Variants in ZC3H14 observed in about 807,000 individuals in gnomAD.
ZC3H14 encodes the protein zinc finger CCCH-type containing 14.
ZC3H14 carries 31 observed loss-of-function variants against 92.4 expected under a neutral mutation model. That is an observed-to-expected ratio of 0.34 (90% CI 0.25 to 0.45). The LOEUF is 0.45. ZC3H14 is among the 20% of genes least tolerant of loss of function. The probability of loss-of-function intolerance (pLI) is 1.00; values close to 1 mark genes in which losing one functional copy is unlikely to be tolerated. For missense variants in ZC3H14, 781 were observed against 897.3 expected (o/e 0.87, Z 1.66); for synonymous variants, 321 against 300.9 (o/e 1.07, Z -0.69).
intron 3 of ZC3H14, among the ~76,000 whole-genome samples, chr14:88,569,713 G>A (rs542612343): frequency 2.0e-4 from 31 of 152,316 alleles, no homozygotes; most frequent in African/African-American, 7.5e-4. Flanking sequence ...AGATGAGCCT[G>A]GTTAAGTTCT....
chr14:88,568,594 C>T lies in ZC3H14; in HGVS notation c.194+441C>T, dbSNP rs554075751. 5.3e-5 allele frequency among the ~76,000 whole-genome samples: 8 copies of T among 152,284 alleles called. No homozygotes were observed. The South Asian group carries it at 1.7e-3, about 32-fold the overall frequency. Reference sequence around the variant, plus strand: ...GGAAACCACCCCCATGACCCAGTCACCTCCCTCCCTTGACAGGTGGGGATT... The same window carrying T: ...GGAAACCACCCCCATGACCCAGTCATCTCCCTCCCTTGACAGGTGGGGATT... On this transcript the variant is annotated intron_variant, in intron 3 of 16. Coordinates refer to ENST00000251038, the MANE Select transcript of ZC3H14 (RefSeq NM_024824.5).
At chr14:88,588,810 TG>T (rs764787555) in intron 9 of ZC3H14, among the ~76,000 whole-genome samples, 1 of 152,220 alleles carries the variant, frequency 6.6e-6, no homozygotes, top group Non-Finnish European at 1.5e-5. Flanking sequence ...ATTTTTGACT[TG>T]ATCTTGTTGG....
intron 2 of ZC3H14, among the ~76,000 whole-genome samples, chr14:88,567,206 C>G (rs1444106350): frequency 6.6e-6 from 1 of 151,130 alleles, no homozygotes; most frequent in Non-Finnish European, 1.5e-5. Context: ...AGCTCCGCCT[C>G]CTGGGTTCAC....
intron 1 of ZC3H14, 183 bp downstream of exon 1, chr14:88,563,352 C>T (rs1002791655): frequency 2.7e-6 from 4 of 1,458,944 alleles, no homozygotes; most frequent in African/African-American, 2.9e-5. Context: ...GGCCTCGGAG[C>T]GTGGCTGCGG....
intron 9 of ZC3H14, among the ~76,000 whole-genome samples, chr14:88,584,115 C>T (rs1053637718): frequency 1.3e-5 from 2 of 152,124 alleles, no homozygotes; most frequent in South Asian, 4.1e-4. Context: ...ATTAATATAG[C>T]CATTTAATTA....
At chr14:88,600,131 T>A (rs1174997613) in intron 10 of ZC3H14, among the ~76,000 whole-genome samples, 1 of 152,272 alleles carries the variant, frequency 6.6e-6, no homozygotes, top group Non-Finnish European at 1.5e-5. Flanking sequence ...TTTGCCCCTT[T>A]TAACTTTGCT....
chr14:88,572,942 C>T lies in ZC3H14; in HGVS notation c.796C>T (p.Leu266Phe), dbSNP rs774168537. ...ETGRLCEPEV[L>F]NSLEETYSPF... ...AGGACGTTTGTGTGAACCAGAGGTG[C>T]TTAACAGCTTAGAAGAAACGTATAG... Residue 266 changes from leucine (L) to phenylalanine (F), a missense_variant, in exon 6 of 17, where the codon CTT becomes TTT. Leu to Phe is a conservative substitution (Grantham distance 22, BLOSUM62 0). This residue lies in a region of ZC3H14 where 454 missense variants were observed against 438.5 expected (regional missense o/e 1.04). Coordinates refer to ENST00000251038, the MANE Select transcript of ZC3H14 (RefSeq NM_024824.5). 3.1e-6 allele frequency: 5 copies of T among 1,613,970 alleles called. No homozygotes were observed.
chr14:88,595,247 A>G, intron 9 of ZC3H14: 1 of 1,463,984 alleles, frequency 6.8e-7, no homozygotes, highest in Non-Finnish European at 9.0e-7. Flanking sequence ...TTAATGACAA[A>G]TTTGGATTCT....
In ZC3H14 at chr14:88,598,276, T is replaced by C. The variant is rs539501309; in HGVS notation, c.1354+1468T>C. ...CCCTGTGGTGGAAAGTGATTTGTCC[T>C]GCCTGTCTGGTTTGTGGGCACCCTG... On this transcript the variant is annotated intron_variant, in intron 10 of 16. Transcript: ENST00000251038. Among the ~76,000 whole-genome samples the C allele has an allele frequency of 5.9e-5, 9 of 152,276 alleles. No individual in the cohort carries two copies. In the East Asian group the frequency reaches 1.5e-3, roughly 26 times the overall value.
At chr14:88,607,700 CA>C (rs2085719628) in intron 13 of ZC3H14, among the ~76,000 whole-genome samples, 3 of 114,880 alleles carry the variant, frequency 2.6e-5, no homozygotes, top group Non-Finnish European at 5.3e-5. Flanking sequence ...ACCACCCCCT[CA>C]TCTCACCCTG....
intron 9 of ZC3H14, among the ~76,000 whole-genome samples, chr14:88,592,820 A>G (rs2083320313): frequency 6.6e-6 from 1 of 151,936 alleles, no homozygotes; most frequent in African/African-American, 2.4e-5. Flanking sequence ...CTTTTAAGAG[A>G]CTATAGTGAG....
At position 88,624,746 on chromosome 14, in the gene ZC3H14, A is replaced by G; in HGVS notation, c.*12995A>G. ...ACTTGTAGGACAACTACCTATCCAC[A>G]CCTCAGAAAAAGTATCACCCCAACA... On this transcript the variant is annotated 3_prime_UTR_variant, in exon 17 of 17. Transcript: ENST00000251038. The G allele has an allele frequency of 1.9e-6, 1 of 514,288 alleles. No homozygotes were observed. The highest frequency in any genetic ancestry group is 3.6e-5 in the Admixed American group (1 of 27,968). The allele number at this position is 514,288 out of a possible 1,614,324, so 31.9% of individuals were successfully genotyped here.
In ZC3H14 at chr14:88,624,853, G is replaced by C; in HGVS notation, c.*13102G>C. 9.1e-7 allele frequency: 1 copy of C among 1,104,258 alleles called. No individual in the cohort carries two copies. Among genetic ancestry groups the C allele is most frequent in the Non-Finnish European group, 1.3e-6 (1 of 787,130 alleles). 68.4% of individuals were successfully genotyped at this position (1,104,258 alleles called of 1,614,324 possible). On this transcript the variant is annotated 3_prime_UTR_variant, in exon 17 of 17. Transcript: ENST00000251038. ...AAAAGGTAATAAAGGAGAAGCATAT[G>C]AGGAGGAAGGTCGGAGAGGACACTC...
chr14:88,622,519 C>G lies in ZC3H14; in HGVS notation c.*10768C>G. Reference sequence around the variant, plus strand: ...TCGTTATGCATTATTAAGTATTGTTCATTAGGCTGCAAAGGGTGAGGGAAT... The same window carrying G: ...TCGTTATGCATTATTAAGTATTGTTGATTAGGCTGCAAAGGGTGAGGGAAT... On this transcript the variant is annotated 3_prime_UTR_variant, in exon 17 of 17. Transcript: ENST00000251038. 1 of 1,077,424 alleles carries G rather than the reference C, an allele frequency of 9.3e-7. No homozygotes were observed. Among genetic ancestry groups the G allele is most frequent in the South Asian group, 2.1e-5 (1 of 47,898 alleles). 66.7% of individuals were successfully genotyped at this position (1,077,424 alleles called of 1,614,324 possible).
chr14:88,584,017 A>G (rs1227682592), intron 9 of ZC3H14, among the ~76,000 whole-genome samples: 2 of 152,160 alleles, frequency 1.3e-5, no homozygotes, highest in Non-Finnish European at 2.9e-5. Flanking sequence ...TAAATTTGTT[A>G]TATCTTCTCT....
Position 88,611,840 on chromosome 14 carries a change from A to G in ZC3H14, c.*89A>G. The G allele has an allele frequency of 6.4e-7, 1 of 1,560,486 alleles. No individual in the cohort carries two copies. Among genetic ancestry groups the G allele is most frequent in the Non-Finnish European group, 8.8e-7 (1 of 1,135,968 alleles). Reference sequence around the variant, plus strand: ...CTCTACAGAACTTGTCAAATCTTTGAAACTTGGAATATATTGCTTTCATAA... The same window carrying G: ...CTCTACAGAACTTGTCAAATCTTTGGAACTTGGAATATATTGCTTTCATAA... On this transcript the variant is annotated 3_prime_UTR_variant, in exon 17 of 17. Coordinates refer to ENST00000251038, the MANE Select transcript of ZC3H14 (RefSeq NM_024824.5).
intron 9 of ZC3H14, among the ~76,000 whole-genome samples, chr14:88,582,360 A>G (rs1337308085): frequency 6.6e-6 from 1 of 152,166 alleles, no homozygotes; most frequent in African/African-American, 2.4e-5. Flanking sequence ...GAGCTTCACC[A>G]TGAGTGTGCA....
At chr14:88,574,641 A>T in intron 6 of ZC3H14, 52 bp from the exon 7 acceptor site, 1 of 1,603,134 alleles carries the variant, frequency 6.2e-7, no homozygotes, top group Admixed American at 1.7e-5. Context: ...TTTGTGGTAG[A>T]ACTCTTGTTA....
At chr14:88,581,037 A>G (rs1158277506) in intron 9 of ZC3H14, among the ~76,000 whole-genome samples, 2 of 152,244 alleles carry the variant, frequency 1.3e-5, no homozygotes, top group East Asian at 3.8e-4. Context: ...TCAGAGACTC[A>G]TTCCCATGAA....
Sources: allele counts gnomAD v4.1 joint callset (sites outside exome capture counted in the v4.1 genomes callset), GRCh38; gene constraint gnomAD v4.1.1; regional missense constraint gnomAD v4.1.1; transcripts MANE v1.5; gene names NCBI Gene and HGNC (gene_info 2026-07-23, HGNC 2026-07-21).